The following ORC4 variants were observed in gnomAD, a reference collection of about 807,000 sequenced individuals.
ORC4 encodes the protein origin recognition complex subunit 4.
In ORC4, 55 loss-of-function variants were observed where a neutral mutation model predicts 63.9. The ratio of observed to expected loss-of-function variants is 0.86; its 90% CI spans 0.69 to 1.08. ORC4 has a LOEUF of 1.08. Among genes scored for constraint, ORC4 ranks in the 50% least tolerant of loss-of-function variants. ORC4 has a pLI of 0.00. For missense variants in ORC4, 511 were observed against 504.4 expected (o/e 1.01, Z -0.13); for synonymous variants, 150 against 168.5 (o/e 0.89, Z 0.85).
At position 147,932,189 on chromosome 2, in the gene ORC4, T is replaced by G. The variant is rs560831050; in HGVS notation, c.*3321A>C. 88 of 149,780 alleles carry G rather than the reference T, an allele frequency of 5.9e-4. No homozygotes were observed. The highest frequency in any genetic ancestry group is 2.0e-3 in the African/African-American group (82 of 40,880). 9.3% of individuals were successfully genotyped at this position (149,780 alleles called of 1,614,324 possible). A position where few individuals can be genotyped will look rare whatever the true frequency, so the allele number is the denominator to read the frequency against. On this transcript the variant is annotated 3_prime_UTR_variant, in exon 14 of 14. Transcript: ENST00000392857. ...GACAAACAGAGAGCCAAATCATGAG[T>G]GAACTCCCATTCACAATTGCTTCAA...
chr2:148,003,800 A>T (rs572197183), intron 1 of ORC4, among the ~76,000 whole-genome samples: 34 of 152,346 alleles, frequency 2.2e-4, no homozygotes, highest in Non-Finnish European at 4.9e-4. Context: ...GTATTTGAAT[A>T]GGAAGAGAGG....
chr2:147,945,435 G>A (rs1688605716), intron 9 of ORC4, among the ~76,000 whole-genome samples: 2 of 151,816 alleles, frequency 1.3e-5, no homozygotes, highest in Admixed American at 6.6e-5. Flanking sequence ...GTCTAACCTC[G>A]TTCATTATAT....
At chr2:147,960,030 C>A (rs376907393) in intron 4 of ORC4, among the ~76,000 whole-genome samples, 63 of 152,128 alleles carry the variant, frequency 4.1e-4, no homozygotes, top group Admixed American at 2.0e-4. Context: ...ATGGTATTTT[C>A]TTTCTTCCAT....
intron 4 of ORC4, among the ~76,000 whole-genome samples, chr2:147,962,573 C>T (rs1689660114): frequency 6.6e-6 from 1 of 152,090 alleles, no homozygotes; most frequent in South Asian, 2.1e-4. Context: ...TCTGGTCCTA[C>T]ACAGCAAGGA....
chr2:147,947,504 C>T (rs1255713385), intron 9 of ORC4, among the ~76,000 whole-genome samples: 1 of 151,904 alleles, frequency 6.6e-6, no homozygotes, highest in African/African-American at 2.4e-5. Context: ...AACATATGAA[C>T]CTGCCTTTGT....
chr2:147,959,411 C>G (rs1312217644), intron 4 of ORC4, among the ~76,000 whole-genome samples: 2 of 151,548 alleles, frequency 1.3e-5, no homozygotes, highest in African/African-American at 2.4e-5. Context: ...AGCCAAAAAC[C>G]TATTTAAAGA....
chr2:147,970,419 G>C (rs1021399158), intron 4 of ORC4, among the ~76,000 whole-genome samples: 1 of 152,114 alleles, frequency 6.6e-6, no homozygotes, highest in African/African-American at 2.4e-5. Context: ...AAGACTGACA[G>C]TACTTACCTT....
intron 1 of ORC4, among the ~76,000 whole-genome samples, chr2:147,991,538 A>C (rs760492503): frequency 2.6e-5 from 4 of 152,100 alleles, no homozygotes; most frequent in Non-Finnish European, 4.4e-5. Context: ...TTTAGAAATT[A>C]CTACAGTTGG....
chr2:147,984,990 T>C (rs1691109710), intron 1 of ORC4, among the ~76,000 whole-genome samples: 1 of 152,158 alleles, frequency 6.6e-6, no homozygotes, highest in Non-Finnish European at 1.5e-5. Flanking sequence ...TGCTTGTTGA[T>C]AAATTCTAAA....
intron 4 of ORC4, chr2:147,960,285 T>A: frequency 1.0e-6 from 1 of 984,706 alleles, no homozygotes; most frequent in Non-Finnish European, 1.2e-6. Context: ...CCCACTAATA[T>A]TTTATGGGTT....
Position 147,931,119 on chromosome 2 carries a change from T to G in ORC4, c.*4391A>C, listed in dbSNP as rs1369634686. On this transcript the variant is annotated 3_prime_UTR_variant, in exon 14 of 14. Transcript: ENST00000392857. The stretch of plus-strand genomic sequence containing the variant: ...AGAATATGCGGTGTTTGGTTTTTTG[T>G]TCTTGTGATAGTTTACTGAGAATGA... 5 of 149,506 alleles carry G rather than the reference T, an allele frequency of 3.3e-5. No individual in the cohort carries two copies. The highest frequency in any genetic ancestry group is 1.2e-4 in the African/African-American group (5 of 40,460). 9.3% of individuals were successfully genotyped at this position (149,506 alleles called of 1,614,324 possible). A position where few individuals can be genotyped will look rare whatever the true frequency, so the allele number is the denominator to read the frequency against.
intron 13 of ORC4, 140 bp from the exon 14 acceptor site, chr2:147,935,838 A>G: frequency 1.5e-6 from 1 of 676,584 alleles, no homozygotes; most frequent in Non-Finnish European, 2.6e-6. Context: ...AATCAATAGG[A>G]TTAAAAAAAC....
intron 1 of ORC4, among the ~76,000 whole-genome samples, chr2:148,002,831 T>C (rs961157387): frequency 2.6e-5 from 4 of 152,170 alleles, no homozygotes; most frequent in African/African-American, 9.7e-5. Flanking sequence ...AGGAGCTGCT[T>C]TTTTGAAAAC....
At position 147,975,898 on chromosome 2, in the gene ORC4, T is replaced by G; in HGVS notation, c.57+4A>C. On this transcript the variant is annotated splice_donor_region_variant and intron_variant, in intron 2 of 13. Coordinates refer to ENST00000392857, the MANE Select transcript of ORC4 (RefSeq NM_181741.4). Reference sequence around the variant, plus strand: ...TCTTGAGATTAATGAAAATACATACTAACCTGTGAAAGGCACTCTGTGTGA... The same window carrying G: ...TCTTGAGATTAATGAAAATACATACGAACCTGTGAAAGGCACTCTGTGTGA... 6.6e-7 allele frequency: 1 copy of G among 1,508,758 alleles called. No homozygotes were observed. The allele number at this position is 1,508,758 out of a possible 1,614,324, so 93.5% of individuals were successfully genotyped here. A position where few individuals can be genotyped will look rare whatever the true frequency, so the allele number is the denominator to read the frequency against.
At chr2:147,980,316 A>G (rs1489021547) in intron 1 of ORC4, among the ~76,000 whole-genome samples, 1 of 152,180 alleles carries the variant, frequency 6.6e-6, no homozygotes, top group East Asian at 1.9e-4. Flanking sequence ...ATTAGAAATT[A>G]TAAGTAATCT....
intron 13 of ORC4, among the ~76,000 whole-genome samples, 162 bp from the exon 14 acceptor site, chr2:147,935,860 C>T (rs1468609050): frequency 6.6e-6 from 1 of 152,056 alleles, no homozygotes; most frequent in Admixed American, 6.6e-5. Flanking sequence ...CTCACAACCC[C>T]ATGAAAACTC....
intron 1 of ORC4, among the ~76,000 whole-genome samples, chr2:148,011,177 A>G (rs1263968573): frequency 6.6e-6 from 1 of 152,166 alleles, no homozygotes. Flanking sequence ...ACAACAACAA[A>G]AAAGAAACTA....
intron 1 of ORC4, among the ~76,000 whole-genome samples, chr2:148,006,891 C>T (rs181933904): frequency 3.4e-3 from 519 of 152,304 alleles, no homozygotes; most frequent in East Asian, 8.1e-3. Flanking sequence ...GTATCACCCC[C>T]CACCAACACT....
At chr2:147,968,542 C>A (rs900704326) in intron 4 of ORC4, among the ~76,000 whole-genome samples, 4 of 152,136 alleles carry the variant, frequency 2.6e-5, no homozygotes, top group African/African-American at 9.6e-5. Flanking sequence ...AAATGCTTAA[C>A]ATCATCAATC....
Sources: allele counts gnomAD v4.1 joint callset (sites outside exome capture counted in the v4.1 genomes callset), GRCh38; gene constraint gnomAD v4.1.1; transcripts MANE v1.5; gene names NCBI Gene and HGNC (gene_info 2026-07-23, HGNC 2026-07-21).